The following PHKB variants were observed in gnomAD, a reference collection of about 807,000 sequenced individuals.
PHKB encodes the protein phosphorylase b kinase regulatory subunit beta.
Under a neutral mutation model 152.1 loss-of-function variants are expected in PHKB, and 122 were observed. The observed-to-expected ratio is 0.80, with a 90% CI of 0.69 to 0.93. The LOEUF (loss-of-function observed/expected upper bound fraction) is 0.93, where lower values mean the gene tolerates loss of function less well. Ranked by LOEUF, PHKB falls within the 40% of genes least tolerant of loss-of-function variation. PHKB has a pLI of 0.00. For missense variants in PHKB, 1,304 were observed against 1,328.4 expected, an observed-to-expected ratio of 0.98 and a Z score of 0.29; for synonymous variants, 436 against 464.9, an observed-to-expected ratio of 0.94 and a Z score of 0.80.
intron 13 of PHKB, among the ~76,000 whole-genome samples, chr16:47,600,615 C>G (rs1972205514): frequency 6.6e-6 from 1 of 152,284 alleles, no homozygotes; most frequent in Middle Eastern, 3.4e-3. Flanking sequence ...GATTTTTAGC[C>G]TACGACGTAC....
At chr16:47,463,672 T>C (rs1003440699) in intron 1 of PHKB, 4 of 485,520 alleles carry the variant, frequency 8.2e-6, no homozygotes, top group African/African-American at 3.9e-5. Flanking sequence ...TAATGTCTAA[T>C]AAGTGGATAT....
rs1321343203 is a variant in PHKB at position 47,545,544 on chromosome 16, C to CCTTGGTGAAAA, written c.595-1880_595-1879insAACTTGGTGAA. 6.0e-4 allele frequency among the ~76,000 whole-genome samples: 91 copies of CCTTGGTGAAAA among 152,258 alleles called. No homozygotes were observed. In the Middle Eastern group the frequency reaches 0.01, roughly 17 times the overall value. On this transcript the variant is annotated intron_variant, in intron 6 of 30. Coordinates refer to ENST00000323584, the MANE Select transcript of PHKB (RefSeq NM_000293.3). ...GTTAATATTTTTTCCTTCATTTCAA[C>CCTTGGTGAAAA]CTTGGTGAATTTGACAATTATGTGT...
chr16:47,652,618 TG>T (rs375316005), intron 20 of PHKB, among the ~76,000 whole-genome samples: 115 of 152,056 alleles, frequency 7.6e-4, no homozygotes, highest in African/African-American at 2.4e-3. Context: ...CGTTGTGGGT[TG>T]TTTTTTTTGT....
At chr16:47,560,619 A>G (rs960256350) in intron 7 of PHKB, among the ~76,000 whole-genome samples, 1 of 152,220 alleles carries the variant, frequency 6.6e-6, no homozygotes, top group African/African-American at 2.4e-5. Context: ...ACACATCTGT[A>G]ATCAATCGAT....
At chr16:47,563,689 C>G (rs2151683103) in intron 7 of PHKB, among the ~76,000 whole-genome samples, 1 of 152,074 alleles carries the variant, frequency 6.6e-6, no homozygotes, top group East Asian at 1.9e-4. Flanking sequence ...TTTAGGGATA[C>G]AAATGGTTTT....
chr16:47,536,287 G>A (rs56334261), intron 6 of PHKB, among the ~76,000 whole-genome samples: 1 of 152,276 alleles, frequency 6.6e-6, no homozygotes, highest in African/African-American at 2.4e-5. Context: ...CTGACCTCAG[G>A]TGATCCGCCC....
Position 47,696,384 on chromosome 16 carries a change from C to A in PHKB, c.2899C>A (p.Pro967Thr). 2 of 1,581,506 alleles carry A rather than the reference C, an allele frequency of 1.3e-6. No homozygotes were observed. The highest frequency in any genetic ancestry group is 1.7e-6 in the Non-Finnish European group (2 of 1,150,322). Residue 967 changes from proline (P) to threonine (T), a missense_variant, in exon 29 of 31, where the codon CCA becomes ACA. Physicochemically the swap from Pro to Thr is conservative, Grantham distance 38. Coordinates refer to ENST00000323584, the MANE Select transcript of PHKB (RefSeq NM_000293.3). The part of the protein sequence containing the change: ...IVAGKHLPQQ[P>T]TLSDMTMYEM... ...AATGTGGAGTTATTTTTTTCAGCAACCAACCCTGTCAGATATGACCATGTA... is the reference window on the plus strand; with the variant it reads ...AATGTGGAGTTATTTTTTTCAGCAAACAACCCTGTCAGATATGACCATGTA...
intron 12 of PHKB, among the ~76,000 whole-genome samples, chr16:47,595,944 C>G (rs1036715598): frequency 6.6e-6 from 1 of 152,170 alleles, no homozygotes; most frequent in African/African-American, 2.4e-5. Flanking sequence ...GCTTTCTAAT[C>G]ATTACAGTGT....
At chr16:47,510,332 G>A (rs1366675945) in intron 4 of PHKB, among the ~76,000 whole-genome samples, 1 of 152,168 alleles carries the variant, frequency 6.6e-6, no homozygotes, top group Non-Finnish European at 1.5e-5. Flanking sequence ...GAGGTGAGGA[G>A]CTGAAAGTTC....
chr16:47,671,509 TA>T (rs1973638115), intron 26 of PHKB, among the ~76,000 whole-genome samples: 1 of 152,228 alleles, frequency 6.6e-6, no homozygotes, highest in East Asian at 1.9e-4. Flanking sequence ...TGCTTTCTTA[TA>T]ACTTTTTTCC....
rs9934849 is a variant in PHKB at position 47,669,246 on chromosome 16, A to G, written c.2459A>G (p.Glu820Gly). Reference protein sequence around the residue: ...VTLGAFGHEEEVISNPLSPRV... With the variant: ...VTLGAFGHEEGVISNPLSPRV... ...CTGGGTGCCTTTGGGCATGAAGAAG[A>G]AGTTATCTCTAATCCTTTGTCTCCA... is the stretch of plus-strand genomic sequence containing the variant. Residue 820 changes from glutamate to glycine, a missense_variant, in exon 26 of 31, where the codon GAA (glutamate) becomes GGA (glycine). By Grantham distance (98) the Glu-to-Gly change is moderately conservative (BLOSUM62 -2). Transcript: ENST00000323584. The G allele has an allele frequency of 1.9e-6, 3 of 1,613,938 alleles. No homozygotes were observed. The highest frequency in any genetic ancestry group is 2.2e-5 in the South Asian group (2 of 91,080).
Position 47,594,137 on chromosome 16 carries a change from G to C in PHKB, c.1127G>C (p.Gly376Ala). 3 of 1,485,464 alleles carry C rather than the reference G, an allele frequency of 2.0e-6. No individual in the cohort carries two copies. In the East Asian group the frequency reaches 6.8e-5, roughly 34 times the overall value. 92.0% of individuals were successfully genotyped at this position (1,485,464 alleles called of 1,614,324 possible). Residue 376 changes from glycine to alanine, a missense_variant and splice_region_variant, in exon 12 of 31, where the codon GGA becomes GCA. Coordinates refer to ENST00000323584, the MANE Select transcript of PHKB (RefSeq NM_000293.3). ...PIFFLYMMIDGVFRGNPKQVQ... is the reference protein window; with the variant it reads ...PIFFLYMMIDAVFRGNPKQVQ... The stretch of plus-strand genomic sequence containing the variant: ...TTGGATTTTATATTTTATATTTTAG[G>C]AGTTTTTAGAGGCAATCCTAAGCAA...
chr16:47,487,791 G>A (rs1279538408), intron 1 of PHKB, among the ~76,000 whole-genome samples: 2 of 152,172 alleles, frequency 1.3e-5, no homozygotes, highest in East Asian at 3.9e-4. Context: ...TTTTATGGCT[G>A]CATGGTATTT....
intron 20 of PHKB, among the ~76,000 whole-genome samples, chr16:47,655,724 T>C (rs887433543): frequency 6.6e-6 from 1 of 152,236 alleles, no homozygotes; most frequent in Non-Finnish European, 1.5e-5. Flanking sequence ...GGTCAAGACC[T>C]TAAGATATTT....
intron 2 of PHKB, 46 bp downstream of exon 2, chr16:47,497,534 G>A (rs1405495874): frequency 3.8e-6 from 4 of 1,065,530 alleles, no homozygotes; most frequent in Non-Finnish European, 5.8e-6. Context: ...TCTGCGATTA[G>A]TATTCCCCTT....
intron 25 of PHKB, among the ~76,000 whole-genome samples, chr16:47,666,518 G>A (rs1973542060): frequency 6.6e-6 from 1 of 152,140 alleles, no homozygotes; most frequent in African/African-American, 2.4e-5. Flanking sequence ...CATTCACCAG[G>A]GCCAACTCTG....
intron 14 of PHKB, among the ~76,000 whole-genome samples, chr16:47,615,245 G>T (rs886763994): frequency 6.6e-6 from 1 of 152,160 alleles, no homozygotes; most frequent in Non-Finnish European, 1.5e-5. Flanking sequence ...AGCAGGGGTC[G>T]AGTAGACCTG....
chr16:47,622,357 A>C (rs1409467906), intron 14 of PHKB, among the ~76,000 whole-genome samples: 2 of 152,172 alleles, frequency 1.3e-5, no homozygotes, highest in East Asian at 3.8e-4. Flanking sequence ...CTTGTTTAAT[A>C]ATCTATATCC....
At chr16:47,515,674 A>T in intron 6 of PHKB, 73 bp downstream of exon 6, 1 of 749,534 alleles carries the variant, frequency 1.3e-6, no homozygotes, top group Non-Finnish European at 2.4e-6. Flanking sequence ...TAGTTTTCAC[A>T]ACTTATTTTT....
Sources: gnomAD v4.1 joint callset for allele counts (sites outside exome capture counted in the v4.1 genomes callset) on GRCh38, gnomAD v4.1.1 for gene constraint, MANE v1.5 for transcripts, NCBI Gene and HGNC (gene_info 2026-07-23, HGNC 2026-07-21) for gene names.